Variants in AUTS2 observed in about 807,000 individuals in gnomAD.
AUTS2 encodes activator of transcription and developmental regulator AUTS2, also known as autism susceptibility gene 2 protein.
AUTS2 carries 17 observed loss-of-function variants against 112.4 expected under a neutral mutation model. The ratio of observed to expected loss-of-function variants is 0.15; its 90% CI spans 0.10 to 0.23. The LOEUF is 0.23. Ranked by LOEUF, AUTS2 falls within the 10% of genes least tolerant of loss-of-function variation. The probability of loss-of-function intolerance (pLI) is 1.00; values close to 1 mark genes in which losing one functional copy is unlikely to be tolerated. For synonymous variants in AUTS2, 751 were observed against 702.7 expected, an observed-to-expected ratio of 1.07 and a Z score of -1.09; for missense variants, 1,510 against 1,701.6, an observed-to-expected ratio of 0.89 and a Z score of 1.98.
At chr7:70,301,231 T>G (rs896171915) in intron 4 of AUTS2, among the ~76,000 whole-genome samples, 7 of 152,342 alleles carry the variant, frequency 4.6e-5, no homozygotes, top group Non-Finnish European at 1.0e-4. Flanking sequence ...ATTGTGTCTC[T>G]GCTCACAATA....
intron 4 of AUTS2, among the ~76,000 whole-genome samples, chr7:70,321,352 G>A (rs558658381): frequency 3.9e-5 from 6 of 152,254 alleles, no homozygotes; most frequent in East Asian, 3.9e-4. Flanking sequence ...ATAGCTTTGC[G>A]TTAGGTCTCT....
chr7:69,609,383 A>G (rs143327116), intron 1 of AUTS2, among the ~76,000 whole-genome samples: 1,765 of 152,352 alleles, frequency 0.012, 17 homozygotes, highest in Non-Finnish European at 0.018. Flanking sequence ...GCTCTCTCCC[A>G]GTGTATCACC....
At chr7:70,595,979 C>T (rs962448061) in intron 5 of AUTS2, 7 of 152,222 alleles carry the variant, frequency 4.6e-5, no homozygotes, top group Admixed American at 6.5e-5. Context: ...CGCGCTTTGC[C>T]TGCGCGCTTT....
At chr7:70,187,384 A>T (rs2129582109) in intron 4 of AUTS2, among the ~76,000 whole-genome samples, 1 of 152,328 alleles carries the variant, frequency 6.6e-6, no homozygotes, top group South Asian at 2.1e-4. Context: ...TATGTAAGAT[A>T]TATACCTATT....
intron 1 of AUTS2, among the ~76,000 whole-genome samples, chr7:69,814,338 G>C (rs1790667528): frequency 6.6e-6 from 1 of 152,212 alleles, no homozygotes. Context: ...AGGCAGTTTG[G>C]AGTGAGAAAA....
chr7:70,074,487 T>C (rs1275057476), intron 2 of AUTS2, among the ~76,000 whole-genome samples: 1 of 152,164 alleles, frequency 6.6e-6, no homozygotes, highest in Middle Eastern at 3.2e-3. Flanking sequence ...TCTTTTTATT[T>C]TGGACCATTT....
intron 5 of AUTS2, among the ~76,000 whole-genome samples, chr7:70,450,919 G>A (rs1796505025): frequency 6.6e-6 from 1 of 152,124 alleles, no homozygotes; most frequent in Non-Finnish European, 1.5e-5. Context: ...GGTCAGTATT[G>A]ATGATGCCAT....
chr7:69,876,350 ATATAT>A lies in AUTS2; in HGVS notation c.310-22935_310-22931del, dbSNP rs1220590632. Among the ~76,000 whole-genome samples, 47 of 26,440 alleles carry A rather than the reference ATATAT, an allele frequency of 1.8e-3. 1 individual carries two copies. The highest frequency in any genetic ancestry group is 6.5e-3 in the African/African-American group (33 of 5,086). The allele number at this position is 26,440 out of a possible 152,430, so 17.3% of individuals were successfully genotyped here. A position where few individuals can be genotyped will look rare whatever the true frequency, so the allele number is the denominator to read the frequency against. On this transcript the variant is annotated intron_variant, in intron 1 of 18. Transcript: ENST00000342771. ...CAAAAAAAAAAAAAAAAAAAAAAAA[ATATAT>A]ATATATATATATATATATATATATA...
chr7:70,343,487 A>C (rs950702038), intron 4 of AUTS2, among the ~76,000 whole-genome samples: 2 of 152,242 alleles, frequency 1.3e-5, no homozygotes, highest in Admixed American at 6.5e-5. Flanking sequence ...ATGGAAAGAC[A>C]CTATCTATCC....
intron 4 of AUTS2, among the ~76,000 whole-genome samples, chr7:70,350,972 C>T (rs1469909063): frequency 6.7e-6 from 1 of 150,018 alleles, no homozygotes; most frequent in Non-Finnish European, 1.5e-5. Flanking sequence ...TCATGCAGTA[C>T]TTTTTTTTTC....
chr7:69,836,460 A>G (rs1228932329), intron 1 of AUTS2, among the ~76,000 whole-genome samples: 3 of 152,172 alleles, frequency 2.0e-5, no homozygotes, highest in Non-Finnish European at 4.4e-5. Flanking sequence ...ATGTAAGTTG[A>G]ATTATTTAAA....
intron 4 of AUTS2, among the ~76,000 whole-genome samples, chr7:70,270,052 A>C (rs1273549918): frequency 6.6e-6 from 1 of 152,166 alleles, no homozygotes; most frequent in Non-Finnish European, 1.5e-5. Context: ...AAAAACAAAC[A>C]AAAACAGAAT....
intron 2 of AUTS2, among the ~76,000 whole-genome samples, chr7:70,051,603 C>T (rs1204494390): frequency 6.6e-6 from 1 of 152,026 alleles, no homozygotes; most frequent in East Asian, 1.9e-4. Context: ...CCTGTAATCC[C>T]AGCTACTCAG....
chr7:70,425,905 T>C (rs1023929886), intron 4 of AUTS2, among the ~76,000 whole-genome samples: 6 of 152,326 alleles, frequency 3.9e-5, no homozygotes, highest in African/African-American at 1.2e-4. Context: ...TCAGGCAGTG[T>C]TCTAGACATT....
At chr7:70,070,455 T>G (rs1802705075) in intron 2 of AUTS2, among the ~76,000 whole-genome samples, 1 of 149,978 alleles carries the variant, frequency 6.7e-6, no homozygotes, top group African/African-American at 2.5e-5. Flanking sequence ...GGTGCATGCC[T>G]GTAATTCCAG....
At chr7:70,697,404 T>C (rs1809176531) in intron 5 of AUTS2, among the ~76,000 whole-genome samples, 1 of 152,212 alleles carries the variant, frequency 6.6e-6, no homozygotes, top group African/African-American at 2.4e-5. Flanking sequence ...AAATATTTTG[T>C]CTTTCTATAT....
chr7:69,820,867 T>C (rs1387521368), intron 1 of AUTS2, among the ~76,000 whole-genome samples: 2 of 152,144 alleles, frequency 1.3e-5, no homozygotes, highest in African/African-American at 2.4e-5. Context: ...AAATCAACTA[T>C]AGAACTTAGG....
intron 1 of AUTS2, among the ~76,000 whole-genome samples, chr7:69,802,451 G>C (rs778398731): frequency 2.0e-4 from 30 of 152,104 alleles, no homozygotes; most frequent in Non-Finnish European, 8.8e-5. Flanking sequence ...GATTGATAAC[G>C]GAAGGGCTTT....
chr7:70,568,225 G>T (rs938165139), intron 5 of AUTS2, among the ~76,000 whole-genome samples: 1 of 152,178 alleles, frequency 6.6e-6, no homozygotes, highest in African/African-American at 2.4e-5. Context: ...GGGAATATGT[G>T]AGTTCATGTG....
Sources: gnomAD v4.1 joint callset for allele counts (sites outside exome capture counted in the v4.1 genomes callset) on GRCh38, gnomAD v4.1.1 for gene constraint, MANE v1.5 for transcripts, NCBI Gene and HGNC (gene_info 2026-07-23, HGNC 2026-07-21) for gene names.